Variants in PPP1R13B observed in about 807,000 individuals in gnomAD.
PPP1R13B encodes the protein apoptosis-stimulating of p53 protein 1.
Under a neutral mutation model 119.8 loss-of-function variants are expected in PPP1R13B, and 44 were observed. The ratio of observed to expected loss-of-function variants is 0.37; its 90% CI spans 0.29 to 0.47. The LOEUF is 0.47. PPP1R13B is among the 20% of genes least tolerant of loss of function. The probability of loss-of-function intolerance (pLI) is 0.99; values close to 1 mark genes in which losing one functional copy is unlikely to be tolerated. For synonymous variants in PPP1R13B, 542 were observed against 561.5 expected (o/e 0.97, Z 0.49); for missense variants, 1,227 against 1,413.5 (o/e 0.87, Z 2.12).
chr14:103,811,092 C>T (rs1275366158), intron 1 of PPP1R13B, among the ~76,000 whole-genome samples: 1 of 93,204 alleles, frequency 1.1e-5, no homozygotes, highest in African/African-American at 4.6e-5. Context: ...GAGACTCCTC[C>T]TCAAAAAAAA....
chr14:103,847,330 C>A lies in PPP1R13B; in HGVS notation c.-23G>T, dbSNP rs2152094164. 1 of 1,241,780 alleles carries A rather than the reference C, an allele frequency of 8.1e-7. No homozygotes were observed. The highest frequency in any genetic ancestry group is 1.0e-6 in the Non-Finnish European group (1 of 972,750). The allele number at this position is 1,241,780 out of a possible 1,614,324, so 76.9% of individuals were successfully genotyped here. A position where few individuals can be genotyped will look rare whatever the true frequency, so the allele number is the denominator to read the frequency against. The stretch of plus-strand genomic sequence containing the variant: ...CATCGCGGGGAGAGTCCGCGACGCC[C>A]TCGGCCGCCGCCTGACAGGACGCTC... On this transcript the variant is annotated 5_prime_UTR_variant, in exon 1 of 17. It adds an upstream start codon to the 5' untranslated region. Coordinates refer to ENST00000202556, the MANE Select transcript of PPP1R13B (RefSeq NM_015316.3).
At chr14:103,820,941 T>C (rs1474482334) in intron 1 of PPP1R13B, among the ~76,000 whole-genome samples, 1 of 152,162 alleles carries the variant, frequency 6.6e-6, no homozygotes, top group Non-Finnish European at 1.5e-5. Context: ...TAATTTGAGT[T>C]AGTAAGCAAG....
At chr14:103,840,362 T>C (rs189213370) in intron 1 of PPP1R13B, among the ~76,000 whole-genome samples, 4 of 152,368 alleles carry the variant, frequency 2.6e-5, no homozygotes, top group African/African-American at 7.2e-5. Context: ...TAAGTTCTTA[T>C]TTTGCTAAAA....
intron 4 of PPP1R13B, among the ~76,000 whole-genome samples, chr14:103,771,381 G>A (rs1225951715): frequency 6.6e-6 from 1 of 151,604 alleles, no homozygotes; most frequent in Non-Finnish European, 1.5e-5. Flanking sequence ...GTCACGTTCA[G>A]ATTGAGAAAT....
At position 103,821,675 on chromosome 14, in the gene PPP1R13B, C is replaced by T. The variant is rs369587976; in HGVS notation, c.10-24157G>A. 1.1e-4 allele frequency among the ~76,000 whole-genome samples: 16 copies of T among 152,116 alleles called. No individual in the cohort carries two copies. The East Asian group carries it at 1.7e-3, about 17-fold the overall frequency. On this transcript the variant is annotated intron_variant, in intron 1 of 16. Transcript: ENST00000202556. ...CTAAGGCAGGAGAATTGCTTGAACCCGGGAGGCAGAGGTTGCGGTAAGCTG... is the reference window on the plus strand; with the variant it reads ...CTAAGGCAGGAGAATTGCTTGAACCTGGGAGGCAGAGGTTGCGGTAAGCTG...
Position 103,734,746 on chromosome 14 carries a change from G to A in PPP1R13B, c.*408C>T, listed in dbSNP as rs546734251. The A allele has an allele frequency of 4.1e-3, 1,899 of 462,458 alleles. 38 individuals carry two copies. The highest frequency in any genetic ancestry group is 0.027 in the South Asian group (1,763 of 64,496). 28.6% of individuals were successfully genotyped at this position (462,458 alleles called of 1,614,324 possible). Reference sequence around the variant, plus strand: ...CCGATTCGGTGACGGGGGGCAGGGCGGTCGCAGGGGAGCAGGCCTCACAGC... The same window carrying A: ...CCGATTCGGTGACGGGGGGCAGGGCAGTCGCAGGGGAGCAGGCCTCACAGC... On this transcript the variant is annotated 3_prime_UTR_variant, in exon 17 of 17. Transcript: ENST00000202556.
intron 9 of PPP1R13B, among the ~76,000 whole-genome samples, chr14:103,745,640 ATG>A (rs1321424313): frequency 6.6e-6 from 1 of 152,136 alleles, no homozygotes; most frequent in Non-Finnish European, 1.5e-5. Flanking sequence ...CAAACCAACG[ATG>A]TGTGGACTTT....
intron 2 of PPP1R13B, 93 bp downstream of exon 2, chr14:103,797,278 T>C (rs1262240281): frequency 1.5e-6 from 2 of 1,326,682 alleles, no homozygotes; most frequent in South Asian, 1.6e-5. Context: ...TCCCCATCTT[T>C]ATCAGAAAAA....
Position 103,847,575 on chromosome 14 carries a change from T to C in PPP1R13B, c.-268A>G, listed in dbSNP as rs954111885. The C allele has an allele frequency of 1.2e-5, 12 of 983,204 alleles. No homozygotes were observed. The highest frequency in any genetic ancestry group is 4.6e-5 in the South Asian group (1 of 21,974). The allele number at this position is 983,204 out of a possible 1,614,324, so 60.9% of individuals were successfully genotyped here. A position where few individuals can be genotyped will look rare whatever the true frequency, so the allele number is the denominator to read the frequency against. Reference sequence around the variant, plus strand: ...CAGCCTCAGCCCCAGCCCGACAGCCTGCGGCCCGCCCGCCCGGCTCGCTCT... The same window carrying C: ...CAGCCTCAGCCCCAGCCCGACAGCCCGCGGCCCGCCCGCCCGGCTCGCTCT... On this transcript the variant is annotated 5_prime_UTR_variant, in exon 1 of 17. Coordinates refer to ENST00000202556, the MANE Select transcript of PPP1R13B (RefSeq NM_015316.3).
In PPP1R13B at chr14:103,742,686, G is replaced by A; in HGVS notation, c.1288C>T (p.Pro430Ser). The A allele has an allele frequency of 6.2e-7, 1 of 1,613,978 alleles. No homozygotes were observed. Among genetic ancestry groups the A allele is most frequent in the Non-Finnish European group, 8.5e-7 (1 of 1,180,024 alleles). ...KQGTVSSQPVPFSALGPTEKP... is the reference protein window; with the variant it reads ...KQGTVSSQPVSFSALGPTEKP... ...TCCGTGGGTCCCAGTGCTGAGAAGG[G>A]CACAGGCTGGCTGGAGACAGTGCCC... Residue 430 changes from proline to serine, a missense_variant, in exon 10 of 17, where the codon CCC (proline) becomes TCC (serine). Transcript: ENST00000202556. This position sits in a 1 kb window ranked among gnomAD's most constrained non-coding sequence, Gnocchi z 4.9.
intron 6 of PPP1R13B, among the ~76,000 whole-genome samples, chr14:103,753,744 A>G (rs2084606223): frequency 6.6e-6 from 1 of 152,118 alleles, no homozygotes; most frequent in African/African-American, 2.4e-5. Flanking sequence ...GAGGGCCGCA[A>G]GAGATCTTTT....
chr14:103,765,986 T>TTTTATTATTATTATTATTA (rs141588292), intron 4 of PPP1R13B, among the ~76,000 whole-genome samples: 8 of 139,060 alleles, frequency 5.8e-5, no homozygotes, highest in African/African-American at 2.2e-4. Flanking sequence ...AAATTTTTAT[T>TTTTATTATTATTATTATTA]TTATTATTAT....
At chr14:103,749,701 T>G (rs1405409509) in intron 8 of PPP1R13B, 93 bp downstream of exon 8, 1 of 1,271,860 alleles carries the variant, frequency 7.9e-7, no homozygotes, top group African/African-American at 1.5e-5. Flanking sequence ...TCAGTTATGG[T>G]GGATGGGGGA....
At chr14:103,826,879 G>A (rs1313172799) in intron 1 of PPP1R13B, among the ~76,000 whole-genome samples, 1 of 151,786 alleles carries the variant, frequency 6.6e-6, no homozygotes, top group Admixed American at 6.6e-5. Context: ...GGGCGTGGTG[G>A]CAGGCGCCTG....
intron 7 of PPP1R13B, among the ~76,000 whole-genome samples, chr14:103,751,794 G>A (rs2151978948): frequency 6.6e-6 from 1 of 152,278 alleles, no homozygotes; most frequent in East Asian, 1.9e-4. Flanking sequence ...CCAGCCTCCA[G>A]AACAGTGGGA....
intron 3 of PPP1R13B, among the ~76,000 whole-genome samples, chr14:103,780,158 C>T (rs1261544872): frequency 7.0e-6 from 1 of 143,000 alleles, no homozygotes; most frequent in Non-Finnish European, 1.5e-5. Context: ...CAAAAAAAAC[C>T]AAAACTAAAA....
intron 4 of PPP1R13B, among the ~76,000 whole-genome samples, chr14:103,773,109 T>C (rs1449117897): frequency 6.6e-6 from 1 of 152,156 alleles, no homozygotes; most frequent in Non-Finnish European, 1.5e-5. Flanking sequence ...AAAATAATAA[T>C]AATAAAAGCA....
chr14:103,828,072 G>T (rs1811778580), intron 1 of PPP1R13B, among the ~76,000 whole-genome samples: 1 of 151,966 alleles, frequency 6.6e-6, no homozygotes, highest in African/African-American at 2.4e-5. Context: ...AGACATGGCA[G>T]TATAAAAAGC....
chr14:103,838,987 T>C (rs1023215711), intron 1 of PPP1R13B, among the ~76,000 whole-genome samples: 1 of 152,096 alleles, frequency 6.6e-6, no homozygotes, highest in Non-Finnish European at 1.5e-5. Context: ...CAGACCACTG[T>C]GTTTCATTTC....
Sources: allele counts gnomAD v4.1 joint callset (sites outside exome capture counted in the v4.1 genomes callset), GRCh38; gene constraint gnomAD v4.1.1; non-coding constraint Gnocchi (gnomAD v3.1); transcripts MANE v1.5; gene names NCBI Gene and HGNC (gene_info 2026-07-23, HGNC 2026-07-21).